The following PPP1R1C variants were observed in gnomAD, a reference collection of about 807,000 sequenced individuals.
PPP1R1C encodes protein phosphatase 1 regulatory inhibitor subunit 1C, also known as protein phosphatase 1 regulatory subunit 1C.
Under a neutral mutation model 17.4 loss-of-function variants are expected in PPP1R1C, and 15 were observed. The observed-to-expected ratio is 0.86, with a 90% confidence interval of 0.58 to 1.33. The LOEUF is 1.33. Ranked by LOEUF, PPP1R1C falls within the 40% of genes most tolerant of loss-of-function variation. The probability of loss-of-function intolerance (pLI) is 0.00; values close to 1 mark genes in which losing one functional copy is unlikely to be tolerated. For synonymous variants in PPP1R1C, 35 were observed against 43.1 expected (o/e 0.81, Z 0.73); for missense variants, 143 against 130.0 (o/e 1.10, Z -0.48).
intron 4 of PPP1R1C, among the ~76,000 whole-genome samples, chr2:182,092,681 A>G (rs1053371480): frequency 1.3e-5 from 2 of 152,194 alleles, no homozygotes; most frequent in Admixed American, 6.5e-5. Context: ...ATTGGCCAAA[A>G]CAAAGGTGCT....
At chr2:181,975,820 T>C (rs1257501855) in intron 2 of PPP1R1C, among the ~76,000 whole-genome samples, 1 of 152,028 alleles carries the variant, frequency 6.6e-6, no homozygotes, top group Non-Finnish European at 1.5e-5. Flanking sequence ...GGAACAGTGT[T>C]CTTTTGCATT....
intron 2 of PPP1R1C, among the ~76,000 whole-genome samples, chr2:182,021,029 C>T (rs1039048041): frequency 2.6e-5 from 4 of 152,110 alleles, no homozygotes; most frequent in Non-Finnish European, 4.4e-5. Context: ...TTCATGATCC[C>T]ACGCCCTCTT....
At chr2:182,003,487 T>C (rs1314454621) in intron 2 of PPP1R1C, among the ~76,000 whole-genome samples, 1 of 152,204 alleles carries the variant, frequency 6.6e-6, no homozygotes, top group Admixed American at 6.5e-5. Flanking sequence ...GATTCCATTT[T>C]ATTTCATTTT....
At chr2:182,125,377 C>G (rs1396416432) in intron 5 of PPP1R1C, among the ~76,000 whole-genome samples, 1 of 152,126 alleles carries the variant, frequency 6.6e-6, no homozygotes, top group African/African-American at 2.4e-5. Context: ...TGTTGTGTCT[C>G]TGCCAGGTTT....
chr2:182,005,688 C>T (rs947812776), intron 2 of PPP1R1C, among the ~76,000 whole-genome samples: 3 of 152,140 alleles, frequency 2.0e-5, no homozygotes, highest in Non-Finnish European at 1.5e-5. Flanking sequence ...GTCTCAAATA[C>T]GAGCTTACTA....
chr2:181,964,701 A>G (rs1684876192), intron 1 of PPP1R1C, among the ~76,000 whole-genome samples: 1 of 151,494 alleles, frequency 6.6e-6, no homozygotes, highest in Non-Finnish European at 1.5e-5. Context: ...AGTTTATTTT[A>G]TTTATTTATT....
chr2:182,037,746 G>A (rs975482026), intron 2 of PPP1R1C, among the ~76,000 whole-genome samples: 3 of 152,124 alleles, frequency 2.0e-5, no homozygotes, highest in Non-Finnish European at 4.4e-5. Context: ...ACTATGAACT[G>A]TTAATTTCAC....
intron 2 of PPP1R1C, chr2:182,048,703 T>C (rs1018089879): frequency 6.6e-6 from 1 of 152,256 alleles, no homozygotes; most frequent in Non-Finnish European, 1.5e-5. Flanking sequence ...AAGCCTTCTA[T>C]GGAATTTTTT....
At chr2:182,064,910 A>C (rs1262769032) in intron 4 of PPP1R1C, among the ~76,000 whole-genome samples, 1 of 152,062 alleles carries the variant, frequency 6.6e-6, no homozygotes, top group Admixed American at 6.6e-5. Context: ...ATATATGTTC[A>C]CTCATTTAAT....
intron 4 of PPP1R1C, among the ~76,000 whole-genome samples, chr2:182,102,185 T>C (rs1689115106): frequency 6.6e-6 from 1 of 152,232 alleles, no homozygotes; most frequent in South Asian, 2.1e-4. Flanking sequence ...TGAAGTTTTA[T>C]GAGAGACATG....
At chr2:182,082,201 T>C (rs1688500867) in intron 4 of PPP1R1C, among the ~76,000 whole-genome samples, 1 of 152,124 alleles carries the variant, frequency 6.6e-6, no homozygotes, top group South Asian at 2.1e-4. Flanking sequence ...ATGCAAAGAA[T>C]AGAAACAAAC....
At chr2:182,035,990 TACAC>T (rs35108850) in intron 2 of PPP1R1C, among the ~76,000 whole-genome samples, 4 of 150,354 alleles carry the variant, frequency 2.7e-5, no homozygotes, top group South Asian at 2.1e-4. Flanking sequence ...TGTGTGTTTA[TACAC>T]ACACACACAC....
chr2:182,122,350 A>G (rs1177599231), downstream of PPP1R1C, among the ~76,000 whole-genome samples: 1 of 152,192 alleles, frequency 6.6e-6, no homozygotes, highest in East Asian at 1.9e-4. Context: ...TTTTATAGTT[A>G]CAAATATGAT....
chr2:182,086,636 G>A (rs1472953292), intron 4 of PPP1R1C, among the ~76,000 whole-genome samples: 3 of 152,050 alleles, frequency 2.0e-5, no homozygotes, highest in East Asian at 1.9e-4. Context: ...TAGAGAAAAC[G>A]GAAGAAAATA....
At chr2:181,977,469 A>C (rs1022004594) in intron 2 of PPP1R1C, among the ~76,000 whole-genome samples, 1 of 151,882 alleles carries the variant, frequency 6.6e-6, no homozygotes, top group Admixed American at 6.6e-5. Context: ...TTATCTTTGC[A>C]TTCCACAAAC....
intron 4 of PPP1R1C, among the ~76,000 whole-genome samples, chr2:182,069,731 A>C (rs1440953435): frequency 1.3e-5 from 2 of 152,128 alleles, no homozygotes; most frequent in African/African-American, 4.8e-5. Context: ...TTTTAAAATT[A>C]ATTAATCTTT....
At chr2:181,985,617 C>T (rs1685275598), upstream of PPP1R1C, among the ~76,000 whole-genome samples, 1 of 152,254 alleles carries the variant, frequency 6.6e-6, no homozygotes, top group Non-Finnish European at 1.5e-5. The surrounding 1 kb of genome is among the most constrained non-coding windows in gnomAD (Gnocchi z 4.1). Context: ...CTAAACCCTG[C>T]CCCCAACTCT....
rs983042862 is a variant in PPP1R1C, at chr2:181,976,292, A to G, written n.157+1028A>G. On this transcript the variant is annotated intron_variant and non_coding_transcript_variant, in intron 2 of 5. Coordinates refer to the PPP1R1C transcript ENST00000464264. This position sits in a 1 kb window ranked among gnomAD's most constrained non-coding sequence, Gnocchi z 4.8. ...TACAAATCTATAATGAAATTATACT[A>G]GATACAGCTATACTATTTAAACATT... Among the ~76,000 whole-genome samples the G allele has an allele frequency of 6.6e-6, 1 of 152,134 alleles. No homozygotes were observed. The highest frequency in any genetic ancestry group is 2.4e-5 in the African/African-American group (1 of 41,442).
intron 4 of PPP1R1C, among the ~76,000 whole-genome samples, chr2:182,111,560 T>C (rs1343054523): frequency 2.0e-5 from 3 of 152,150 alleles, no homozygotes; most frequent in Non-Finnish European, 2.9e-5. Context: ...AGGATGTTAA[T>C]GTATAGTTCT....
Sources: gnomAD v4.1 joint callset for allele counts (sites outside exome capture counted in the v4.1 genomes callset) on GRCh38, gnomAD v4.1.1 for gene constraint, Gnocchi (gnomAD v3.1) non-coding constraint, MANE v1.5 for transcripts, NCBI Gene and HGNC (gene_info 2026-07-23, HGNC 2026-07-21) for gene names.